The following KCNQ5 variants were observed in gnomAD, a reference collection of about 807,000 sequenced individuals.
KCNQ5 encodes the protein potassium voltage-gated channel subfamily Q member 5.
A neutral mutation model predicts 98.2 loss-of-function variants in KCNQ5; 30 were observed. That is an observed-to-expected ratio of 0.31 (90% confidence interval 0.23 to 0.41). The LOEUF (loss-of-function observed/expected upper bound fraction) is 0.41, where lower values mean the gene tolerates loss of function less well. Ranked by LOEUF, KCNQ5 falls within the 10% of genes least tolerant of loss-of-function variation. The probability of loss-of-function intolerance (pLI) is 1.00; values close to 1 mark genes in which losing one functional copy is unlikely to be tolerated. For synonymous variants in KCNQ5, 458 were observed against 449.4 expected, an observed-to-expected ratio of 1.02 and a Z score of -0.24; for missense variants, 835 against 1,182.5, an observed-to-expected ratio of 0.71 and a Z score of 4.31.
chr6:72,824,118 T>C (rs1381298757), intron 1 of KCNQ5, among the ~76,000 whole-genome samples: 1 of 152,170 alleles, frequency 6.6e-6, no homozygotes, highest in Non-Finnish European at 1.5e-5. Context: ...ATTAGAGGTT[T>C]GTCTTCCATA....
intron 1 of KCNQ5, among the ~76,000 whole-genome samples, chr6:72,753,990 A>G (rs1271742247): frequency 1.3e-5 from 2 of 152,108 alleles, no homozygotes; most frequent in South Asian, 2.1e-4. Flanking sequence ...AGTCTTATTT[A>G]TTCCTTTCTA....
intron 1 of KCNQ5, among the ~76,000 whole-genome samples, chr6:72,709,540 A>T (rs764782771): frequency 6.6e-6 from 1 of 152,250 alleles, no homozygotes; most frequent in African/African-American, 2.4e-5. Context: ...CTAAGTCAAA[A>T]TGAATTGTGA....
chr6:72,737,084 C>T (rs1007110164), intron 1 of KCNQ5, among the ~76,000 whole-genome samples: 5 of 152,088 alleles, frequency 3.3e-5, no homozygotes, highest in African/African-American at 7.2e-5. Context: ...CCTCAGCCTC[C>T]CAAGTAGCTG....
intron 1 of KCNQ5, among the ~76,000 whole-genome samples, chr6:72,787,331 CA>C (rs1434359856): frequency 6.6e-6 from 1 of 152,156 alleles, no homozygotes; most frequent in Non-Finnish European, 1.5e-5. Context: ...TTTTGTGCTG[CA>C]ATAGCAAAGT....
intron 1 of KCNQ5, among the ~76,000 whole-genome samples, chr6:72,680,139 TTTA>T (rs1767631518): frequency 1.3e-5 from 2 of 152,306 alleles, no homozygotes; most frequent in South Asian, 4.2e-4. Context: ...CCGAAATATT[TTTA>T]TTATTCTAAA....
At chr6:73,136,146 G>A (rs1188051922) in intron 10 of KCNQ5, 1 of 152,234 alleles carries the variant, frequency 6.6e-6, no homozygotes, top group African/African-American at 2.4e-5. Flanking sequence ...TTCATCCCCG[G>A]CCCTGGTTTC....
At chr6:73,128,636 C>T (rs1421256531) in intron 9 of KCNQ5, among the ~76,000 whole-genome samples, 1 of 152,216 alleles carries the variant, frequency 6.6e-6, no homozygotes, top group African/African-American at 2.4e-5. Context: ...ATTATCTATA[C>T]ATCTTGCTGC....
chr6:73,089,734 A>G (rs771356911), intron 5 of KCNQ5, among the ~76,000 whole-genome samples: 10 of 151,878 alleles, frequency 6.6e-5, no homozygotes, highest in Non-Finnish European at 1.5e-4. Flanking sequence ...TGCAAATGCC[A>G]TTAATTCATT....
chr6:72,674,079 C>A (rs1276042186), intron 1 of KCNQ5, among the ~76,000 whole-genome samples: 1 of 152,030 alleles, frequency 6.6e-6, no homozygotes, highest in Non-Finnish European at 1.5e-5. Flanking sequence ...ACATTTCTAG[C>A]CTTAAAGACT....
At chr6:72,897,414 C>T (rs1167589103) in intron 1 of KCNQ5, among the ~76,000 whole-genome samples, 7 of 151,978 alleles carry the variant, frequency 4.6e-5, no homozygotes, top group Admixed American at 4.6e-4. Context: ...TGGTGGCACA[C>T]GCTTGTAATC....
At position 73,194,480 on chromosome 6, in the gene KCNQ5, G is replaced by A. The variant is rs1765708722; in HGVS notation, c.1865G>A (p.Cys622Tyr). Reference protein sequence around the residue: ...QVQSIESKLDCLLDIYQQVLR... With the variant: ...QVQSIESKLDYLLDIYQQVLR... ...CAGTCCATAGAATCCAAGCTGGACT[G>A]CCTACTAGACATCTATCAACAGGTC... Residue 622 changes from cysteine to tyrosine, a missense_variant, in exon 14 of 14, where the codon TGC becomes TAC. Around this residue, in one of 10 missense-constraint regions of KCNQ5, gnomAD observed 416 missense variants for 446.9 expected, o/e 0.93. Transcript: ENST00000370398. The A allele has an allele frequency of 6.2e-7, 1 of 1,613,984 alleles. No individual in the cohort carries two copies. The highest frequency in any genetic ancestry group is 8.5e-7 in the Non-Finnish European group (1 of 1,179,846).
intron 1 of KCNQ5, among the ~76,000 whole-genome samples, chr6:72,889,589 A>G (rs1778981195): frequency 6.6e-6 from 1 of 152,308 alleles, no homozygotes; most frequent in South Asian, 2.1e-4. Context: ...GCCATGCTAG[A>G]AACTATAGTT....
At chr6:73,143,353 T>A (rs957601637) in intron 10 of KCNQ5, 2 of 152,208 alleles carry the variant, frequency 1.3e-5, no homozygotes, top group East Asian at 3.9e-4. Flanking sequence ...TCACTAGCAA[T>A]TCTATACTAA....
intron 1 of KCNQ5, among the ~76,000 whole-genome samples, chr6:72,663,124 C>A (rs1766611811): frequency 6.6e-6 from 1 of 151,988 alleles, no homozygotes; most frequent in African/African-American, 2.4e-5. Flanking sequence ...ACATTACACA[C>A]CGGGGACTGT....
chr6:72,713,293 C>A lies in KCNQ5; in HGVS notation c.398+90706C>A, dbSNP rs1229772827. 4.6e-5 allele frequency among the ~76,000 whole-genome samples: 7 copies of A among 152,184 alleles called. No individual in the cohort carries two copies. In the East Asian group the frequency reaches 1.3e-3, roughly 29 times the overall value. On this transcript the variant is annotated intron_variant, in intron 1 of 13. Coordinates refer to ENST00000370398, the MANE Select transcript of KCNQ5 (RefSeq NM_019842.4). ...GTCCCAAACGTGACTCTTTCCTTTT[C>A]TTCCTGCACCACCCTTCCCCAGCCG...
rs5877359 is a variant in KCNQ5 at position 73,178,115 on chromosome 6, G to GT, written c.1577+8272dup. Among the ~76,000 whole-genome samples the GT allele has an allele frequency of 1.2e-3, 179 of 144,224 alleles. 1 individual carries two copies. The highest frequency in any genetic ancestry group is 2.4e-3 in the African/African-American group (96 of 39,616). The allele number at this position is 144,224 out of a possible 152,430, so 94.6% of individuals were successfully genotyped here. On this transcript the variant is annotated intron_variant, in intron 11 of 13. Coordinates refer to ENST00000370398, the MANE Select transcript of KCNQ5 (RefSeq NM_019842.4). ...TATTCATTTCACACTTTATTATTTG[G>GT]TTTTTTTTTTTACACTTTAAAATTT...
intron 1 of KCNQ5, among the ~76,000 whole-genome samples, chr6:72,860,735 G>A (rs558872959): frequency 1.3e-5 from 2 of 151,826 alleles, no homozygotes; most frequent in Non-Finnish European, 2.9e-5. Context: ...AAGCATTACT[G>A]TATTTCATAC....
intron 1 of KCNQ5, among the ~76,000 whole-genome samples, chr6:72,771,494 T>C (rs1271893854): frequency 6.6e-6 from 1 of 152,138 alleles, no homozygotes; most frequent in Non-Finnish European, 1.5e-5. Context: ...CCAGCAGATA[T>C]GAAGTTATAG....
Position 73,194,888 on chromosome 6 carries a change from A to G in KCNQ5, c.2273A>G (p.Lys758Arg). Residue 758 changes from lysine (K) to arginine (R), a missense_variant, in exon 14 of 14, where the codon AAG (lysine) becomes AGG (arginine). Physicochemically the swap from Lys to Arg is conservative, Grantham distance 26 (BLOSUM62 2). This residue lies in a region of KCNQ5 where 416 missense variants were observed against 446.9 expected (regional missense o/e 0.93). Coordinates refer to ENST00000370398, the MANE Select transcript of KCNQ5 (RefSeq NM_019842.4). The part of the protein sequence containing the change: ...LQIPPPLPAI[K>R]HLPRPETLHP... Reference sequence around the variant, plus strand: ...ATCCCACCTCCTCTCCCAGCCATCAAGCATCTGCCCAGGCCAGAAACTCTG... The same window carrying G: ...ATCCCACCTCCTCTCCCAGCCATCAGGCATCTGCCCAGGCCAGAAACTCTG... 2 of 1,614,174 alleles carry G rather than the reference A, an allele frequency of 1.2e-6. No individual in the cohort carries two copies. Among genetic ancestry groups the G allele is most frequent in the Admixed American group, 1.7e-5 (1 of 60,002 alleles).
Sources: allele counts gnomAD v4.1 joint callset (sites outside exome capture counted in the v4.1 genomes callset), GRCh38; gene constraint gnomAD v4.1.1; regional missense constraint gnomAD v4.1.1; transcripts MANE v1.5; gene names NCBI Gene and HGNC (gene_info 2026-07-23, HGNC 2026-07-21).